The following BICD1 variants were observed in gnomAD, a reference collection of about 807,000 sequenced individuals.
The protein encoded by BICD1 is BICD cargo adaptor 1.
BICD1 carries 35 observed loss-of-function variants against 92.5 expected under a neutral mutation model. The observed-to-expected ratio is 0.38, with a 90% CI of 0.29 to 0.50. The LOEUF is 0.50. BICD1 is among the 20% of genes least tolerant of loss of function. The pLI, the probability that BICD1 is intolerant of heterozygous loss-of-function variation, is 0.93. For synonymous variants in BICD1, 429 were observed against 465.1 expected (o/e 0.92, Z 1.00); for missense variants, 950 against 1,189.8 (o/e 0.80, Z 2.97).
chr12:32,189,490 C>T (rs377176426), intron 1 of BICD1, among the ~76,000 whole-genome samples: 1 of 152,046 alleles, frequency 6.6e-6, no homozygotes, highest in African/African-American at 2.4e-5. Context: ...GAGAACTGTG[C>T]AGAAGGTTAA....
At chr12:32,296,256 G>T (rs2261994) in intron 3 of BICD1, among the ~76,000 whole-genome samples, 4,895 of 90,008 alleles carry the variant, frequency 0.054, 324 homozygotes, top group South Asian at 0.074. Flanking sequence ...GTTTTTTTTT[G>T]TTTTTTTTTT....
intron 1 of BICD1, among the ~76,000 whole-genome samples, chr12:32,178,938 A>T (rs1393936896): frequency 6.6e-6 from 1 of 151,920 alleles, no homozygotes; most frequent in Admixed American, 6.6e-5. Context: ...CTTGCATCAC[A>T]TTTGTATTTA....
At position 32,254,329 on chromosome 12, in the gene BICD1, C is replaced by T. The variant is rs964046677; in HGVS notation, c.426+37870C>T. Among the ~76,000 whole-genome samples, 11 of 152,212 alleles carry T rather than the reference C, an allele frequency of 7.2e-5. No individual in the cohort carries two copies. In the South Asian group the frequency reaches 2.3e-3, roughly 32 times the overall value. Reference sequence around the variant, plus strand: ...CTGCCATATTCACTGGCAGATCCCACCTGCCATAATCACTGCCGTATCCCA... The same window carrying T: ...CTGCCATATTCACTGGCAGATCCCATCTGCCATAATCACTGCCGTATCCCA... On this transcript the variant is annotated intron_variant, in intron 2 of 9. Coordinates refer to ENST00000652176, the MANE Select transcript of BICD1 (RefSeq NM_001714.4).
rs552887927 is a variant in BICD1, at chr12:32,318,279, T to C, written c.1006-9182T>C. ...CATTGGTAGCTTGATGGGGATGGCA[T>C]TGAATCTATAAATTACCTTGGGCAG... On this transcript the variant is annotated intron_variant, in intron 4 of 9. Coordinates refer to ENST00000652176, the MANE Select transcript of BICD1 (RefSeq NM_001714.4). 1.7e-3 allele frequency among the ~76,000 whole-genome samples: 266 copies of C among 152,092 alleles called. 2 individuals carry two copies. Among genetic ancestry groups the C allele is most frequent in the African/African-American group, 6.1e-3 (254 of 41,492 alleles).
intron 2 of BICD1, among the ~76,000 whole-genome samples, chr12:32,238,941 T>A: frequency 1.3e-5 from 1 of 75,582 alleles, no homozygotes; most frequent in Admixed American, 1.6e-4. Flanking sequence ...CAAAACTCTG[T>A]CTCAAAAAAA....
chr12:32,172,560 C>T (rs1943976307), intron 1 of BICD1, among the ~76,000 whole-genome samples: 1 of 152,156 alleles, frequency 6.6e-6, no homozygotes, highest in Non-Finnish European at 1.5e-5. Flanking sequence ...TCAGTCATTC[C>T]CACAGCTTTA....
intron 2 of BICD1, chr12:32,227,921 C>A: frequency 6.0e-6 from 1 of 167,218 alleles, no homozygotes. Flanking sequence ...GTTGATCTCA[C>A]AGTCCTTCAT....
At chr12:32,240,835 C>A (rs1438980731) in intron 2 of BICD1, among the ~76,000 whole-genome samples, 1 of 152,126 alleles carries the variant, frequency 6.6e-6, no homozygotes, top group Admixed American at 6.5e-5. Context: ...CAAATGAATT[C>A]TTTATTATAT....
At chr12:32,267,503 A>G (rs990104113) in intron 2 of BICD1, among the ~76,000 whole-genome samples, 3 of 152,220 alleles carry the variant, frequency 2.0e-5, no homozygotes, top group Non-Finnish European at 4.4e-5. Flanking sequence ...TATATGTGTG[A>G]GAAATATCTA....
At chr12:32,268,010 G>A (rs149658851) in intron 2 of BICD1, among the ~76,000 whole-genome samples, 5 of 152,194 alleles carry the variant, frequency 3.3e-5, no homozygotes, top group African/African-American at 9.6e-5. Context: ...TTACTGTGTA[G>A]CCCAGACTGG....
At chr12:32,180,991 A>C (rs1447358061) in intron 1 of BICD1, among the ~76,000 whole-genome samples, 1 of 151,846 alleles carries the variant, frequency 6.6e-6, no homozygotes. Context: ...GGAGAGTAAA[A>C]ATAAATATAT....
At chr12:32,147,784 G>T (rs1151021) in intron 1 of BICD1, among the ~76,000 whole-genome samples, 151,712 of 152,278 alleles carry the variant, frequency 1, 75,580 homozygotes, top group Middle Eastern at 1. Context: ...CAAAGAGACA[G>T]AATGGTTCCA....
chr12:32,329,287 G>A (rs2136265336), intron 5 of BICD1, among the ~76,000 whole-genome samples: 1 of 152,042 alleles, frequency 6.6e-6, no homozygotes, highest in East Asian at 1.9e-4. Flanking sequence ...TGTGGAGACA[G>A]AATTTCACCA....
chr12:32,374,712 C>A (rs574576262), intron 9 of BICD1, among the ~76,000 whole-genome samples: 1 of 145,674 alleles, frequency 6.9e-6, no homozygotes, highest in African/African-American at 2.5e-5. Flanking sequence ...GGATTACAGG[C>A]ATGTGCCACC....
At chr12:32,141,766 G>C (rs1178853148) in intron 1 of BICD1, among the ~76,000 whole-genome samples, 1 of 152,146 alleles carries the variant, frequency 6.6e-6, no homozygotes, top group Admixed American at 6.5e-5. Context: ...GAGCCACCGC[G>C]CCTGGCCTGG....
intron 1 of BICD1, among the ~76,000 whole-genome samples, chr12:32,132,697 T>C (rs1053221017): frequency 1.3e-5 from 2 of 152,040 alleles, no homozygotes; most frequent in African/African-American, 4.8e-5. Flanking sequence ...GGAGGGGGAA[T>C]GTGAGAGGGG....
chr12:32,257,395 G>A (rs1946749565), intron 2 of BICD1, among the ~76,000 whole-genome samples: 1 of 152,040 alleles, frequency 6.6e-6, no homozygotes, highest in Admixed American at 6.6e-5. Context: ...GCTCACTATA[G>A]ATCTAGTGAT....
intron 1 of BICD1, among the ~76,000 whole-genome samples, chr12:32,128,958 T>A (rs1565534771): frequency 6.6e-6 from 1 of 151,960 alleles, no homozygotes. Context: ...TTCTTTTTTT[T>A]TGAGACAGAA....
At chr12:32,303,395 G>A (rs148478434) in intron 3 of BICD1, among the ~76,000 whole-genome samples, 9 of 152,162 alleles carry the variant, frequency 5.9e-5, no homozygotes, top group African/African-American at 1.9e-4. Flanking sequence ...ACAGTGTTTC[G>A]GTGACCAGTG....
Sources: allele counts gnomAD v4.1 joint callset (sites outside exome capture counted in the v4.1 genomes callset), GRCh38; gene constraint gnomAD v4.1.1; transcripts MANE v1.5; gene names NCBI Gene and HGNC (gene_info 2026-07-23, HGNC 2026-07-21).